CREBBP: variants seen among roughly 807,000 people sequenced by gnomAD.
The protein encoded by CREBBP is CREB-binding protein.
Under a neutral mutation model 265.0 loss-of-function variants are expected in CREBBP, and 19 were observed. That is an observed-to-expected ratio of 0.07 (90% CI 0.05 to 0.11). The LOEUF is 0.11. CREBBP is among the 10% of genes least tolerant of loss of function. The probability of loss-of-function intolerance (pLI) is 1.00; values close to 1 mark genes in which losing one functional copy is unlikely to be tolerated. For synonymous variants in CREBBP, 1,457 were observed against 1,223.7 expected, an observed-to-expected ratio of 1.19 and a Z score of -3.98; for missense variants, 2,525 against 3,219.0, an observed-to-expected ratio of 0.78 and a Z score of 5.22.
intron 4 of CREBBP, 114 bp downstream of exon 4, chr16:3,793,272 T>C (rs2053542065): frequency 1.4e-6 from 2 of 1,421,228 alleles, no homozygotes; most frequent in Admixed American, 1.7e-5. Flanking sequence ...CCACACCCAA[T>C]GGAAGGCAGC....
At chr16:3,776,067 C>T (rs1265180672) in intron 11 of CREBBP, among the ~76,000 whole-genome samples, 1 of 152,120 alleles carries the variant, frequency 6.6e-6, no homozygotes, top group Non-Finnish European at 1.5e-5. Context: ...CAGGTGTGCA[C>T]CACCATGCCT....
At chr16:3,768,350 T>C (rs2052916276) in intron 15 of CREBBP, among the ~76,000 whole-genome samples, 1 of 151,988 alleles carries the variant, frequency 6.6e-6, no homozygotes. Context: ...TTTCATCATG[T>C]TGGCGAGGCT....
rs753988890 is a variant in CREBBP, at chr16:3,728,836, G to A, written c.6211C>T (p.Leu2071=). The A allele has an allele frequency of 1.2e-6, 2 of 1,613,476 alleles. No homozygotes were observed. The highest frequency in any genetic ancestry group is 1.7e-6 in the Non-Finnish European group (2 of 1,179,974). Residue 2071 remains leucine (L), a synonymous_variant, in exon 31 of 31, where the codon CTG becomes TTG. Coordinates refer to ENST00000262367, the MANE Select transcript of CREBBP (RefSeq NM_004380.3). The surrounding 1 kb of genome is among the most constrained non-coding windows in gnomAD (Gnocchi z 8.7). ...SISPSALQDL[L]RTLKSPSSPQ... ...GAGCTGGGCGACTTCAGGGTCCGCAGCAGGTCTTGCAGAGCGCTGGGTGAG... is the reference window on the plus strand; with the variant it reads ...GAGCTGGGCGACTTCAGGGTCCGCAACAGGTCTTGCAGAGCGCTGGGTGAG...
intron 19 of CREBBP, among the ~76,000 whole-genome samples, chr16:3,755,039 C>T (rs191963204): frequency 1.1e-4 from 17 of 152,308 alleles, no homozygotes; most frequent in South Asian, 2.1e-4. Context: ...AGGAACGCTA[C>T]GCCTACGCTT....
intron 18 of CREBBP, 26 bp from the exon 19 acceptor site, chr16:3,757,402 T>C: frequency 6.4e-7 from 1 of 1,551,858 alleles, no homozygotes; most frequent in Non-Finnish European, 8.8e-7. Context: ...AGAAATACTT[T>C]TATATAAAAA....
chr16:3,731,240 G>A lies in CREBBP; in HGVS notation c.5124C>T (p.Asn1708=), dbSNP rs775433053. ...GCGTCTCCACGTGGTGCTTGCACTC[G>A]TTGCAGGTGTAGACAAAGCGGTCCT... ...QGQDRFVYTC[N]ECKHHVETRW... The change falls in exon 30 of 31, where the codon AAC becomes AAT. Residue 1708 remains asparagine (N), a synonymous_variant. Coordinates refer to ENST00000262367, the MANE Select transcript of CREBBP (RefSeq NM_004380.3). This position sits in a 1 kb window ranked among gnomAD's most constrained non-coding sequence, Gnocchi z 7.7. The A allele has an allele frequency of 5.8e-5, 93 of 1,614,052 alleles. 1 individual carries two copies. The highest frequency in any genetic ancestry group is 1.3e-5 in the African/African-American group (1 of 74,936).
intron 2 of CREBBP, among the ~76,000 whole-genome samples, chr16:3,826,408 C>G (rs1250983739): frequency 6.6e-6 from 1 of 152,006 alleles, no homozygotes; most frequent in African/African-American, 2.4e-5. Flanking sequence ...TGAGTCCTTC[C>G]AAAGAGGATG....
chr16:3,767,585 C>T, intron 16 of CREBBP, 135 bp downstream of exon 16: 11 of 1,209,986 alleles, frequency 9.1e-6, no homozygotes, highest in Non-Finnish European at 1.2e-5. Context: ...AGGGGAAAGT[C>T]TGGGGAATGG....
chr16:3,755,159 G>A (rs918113923), intron 19 of CREBBP, among the ~76,000 whole-genome samples: 2 of 152,128 alleles, frequency 1.3e-5, no homozygotes, highest in Non-Finnish European at 2.9e-5. Flanking sequence ...AAAATTAGAC[G>A]TTTCAGAACT....
At chr16:3,829,974 C>A (rs755116109) in intron 2 of CREBBP, among the ~76,000 whole-genome samples, 2 of 152,054 alleles carry the variant, frequency 1.3e-5, no homozygotes, top group South Asian at 2.1e-4. Context: ...AGATGAGAAA[C>A]CTAAACCCAA....
chr16:3,879,987 G>C lies in CREBBP; in HGVS notation c.-71C>G, dbSNP rs1212055599. On this transcript the variant is annotated 5_prime_UTR_variant, in exon 1 of 31. Transcript: ENST00000262367. Reference sequence around the variant, plus strand: ...GGCGAGGGCCCGGACGGGGGTCGGGGGCCCTGCCGGCTGCGAGGGAGAGGA... The same window carrying C: ...GGCGAGGGCCCGGACGGGGGTCGGGCGCCCTGCCGGCTGCGAGGGAGAGGA... 4 of 1,459,096 alleles carry C rather than the reference G, an allele frequency of 2.7e-6. No homozygotes were observed. Among genetic ancestry groups the C allele is most frequent in the Non-Finnish European group, 3.7e-6 (4 of 1,073,552 alleles). The allele number at this position is 1,459,096 out of a possible 1,614,324, so 90.4% of individuals were successfully genotyped here. A position where few individuals can be genotyped will look rare whatever the true frequency, so the allele number is the denominator to read the frequency against.
At chr16:3,827,492 C>T (rs1185037765) in intron 2 of CREBBP, among the ~76,000 whole-genome samples, 5 of 151,970 alleles carry the variant, frequency 3.3e-5, no homozygotes, top group Admixed American at 6.5e-5. Flanking sequence ...TCCAGGTTCA[C>T]GAGATTCTTC....
intron 1 of CREBBP, among the ~76,000 whole-genome samples, chr16:3,871,631 T>A (rs952032313): frequency 3.9e-5 from 6 of 152,224 alleles, no homozygotes; most frequent in Non-Finnish European, 7.3e-5. Context: ...AACAGTGACT[T>A]ATTTTTCTAT....
intron 1 of CREBBP, among the ~76,000 whole-genome samples, chr16:3,878,897 A>G (rs2055457873): frequency 6.6e-6 from 1 of 152,232 alleles, no homozygotes; most frequent in South Asian, 2.1e-4. Context: ...AGAAAACTAA[A>G]TACTTCTCTT....
intron 1 of CREBBP, among the ~76,000 whole-genome samples, chr16:3,861,371 C>G (rs2055069814): frequency 1.3e-5 from 2 of 152,218 alleles, no homozygotes; most frequent in Admixed American, 1.3e-4. Context: ...CTGAGCTTGG[C>G]ATGCAGTAAG....
At position 3,812,490 on chromosome 16, in the gene CREBBP, A is replaced by G. The variant is rs890155558; in HGVS notation, c.799-1711T>C. On this transcript the variant is annotated intron_variant, in intron 2 of 30. Coordinates refer to ENST00000262367, the MANE Select transcript of CREBBP (RefSeq NM_004380.3). ...CACTGCGCCCGGCCTAAAATTTTCC[A>G]TAATAAAGTTTTTTATAAAATTAAA... Among the ~76,000 whole-genome samples the G allele has an allele frequency of 1.6e-4, 25 of 151,748 alleles. 1 individual carries two copies. The highest frequency in any genetic ancestry group is 5.8e-4 in the African/African-American group (24 of 41,270).
chr16:3,810,790 A>T lies in CREBBP; in HGVS notation c.799-11T>A. ...CCCAGTTATTCCCATCTGAAACAAA[A>T]AAGAGGTAACATCAGCTGTGGTGAC... On this transcript the variant is annotated splice_polypyrimidine_tract_variant and intron_variant, in intron 2 of 30. Coordinates refer to ENST00000262367, the MANE Select transcript of CREBBP (RefSeq NM_004380.3). 1 of 1,613,768 alleles carries T rather than the reference A, an allele frequency of 6.2e-7. No homozygotes were observed. The highest frequency in any genetic ancestry group is 1.1e-5 in the South Asian group (1 of 91,042).
chr16:3,857,729 A>G (rs191609246), intron 1 of CREBBP, among the ~76,000 whole-genome samples: 104 of 152,304 alleles, frequency 6.8e-4, no homozygotes, highest in African/African-American at 2.1e-3. Context: ...ACCTCAAGGA[A>G]ACTTCACCAG....
intron 19 of CREBBP, among the ~76,000 whole-genome samples, chr16:3,752,199 C>G (rs2052490208): frequency 6.6e-6 from 1 of 152,124 alleles, no homozygotes. Flanking sequence ...GCATGGAGCC[C>G]AAATTTAGGA....
Sources: allele counts gnomAD v4.1 joint callset (sites outside exome capture counted in the v4.1 genomes callset), GRCh38; gene constraint gnomAD v4.1.1; non-coding constraint Gnocchi (gnomAD v3.1); transcripts MANE v1.5; gene names NCBI Gene and HGNC (gene_info 2026-07-23, HGNC 2026-07-21).